PRKN: variants seen among roughly 807,000 people sequenced by gnomAD.
PRKN encodes the protein E3 ubiquitin-protein ligase parkin.
PRKN carries 56 observed loss-of-function variants against 59.5 expected under a neutral mutation model. The observed-to-expected ratio is 0.94, with a 90% confidence interval of 0.76 to 1.18. The LOEUF (loss-of-function observed/expected upper bound fraction) is 1.18, where lower values mean the gene tolerates loss of function less well. Ranked by LOEUF, PRKN falls within the 50% of genes most tolerant of loss-of-function variation. The pLI, the probability that PRKN is intolerant of heterozygous loss-of-function variation, is 0.00. For synonymous variants in PRKN, 250 were observed against 222.1 expected, an observed-to-expected ratio of 1.13 and a Z score of -1.12; for missense variants, 657 against 596.4, an observed-to-expected ratio of 1.10 and a Z score of -1.06.
Position 161,419,163 on chromosome 6 carries a change from C to A in PRKN, c.1084-32286G>T, listed in dbSNP as rs992343455. Among the ~76,000 whole-genome samples, 4 of 152,182 alleles carry A rather than the reference C, an allele frequency of 2.6e-5. No individual in the cohort carries two copies. Among genetic ancestry groups the A allele is most frequent in the African/African-American group, 7.2e-5 (3 of 41,440 alleles). ...CAATGAAAATGGTGAGAATCCTTTA[C>A]GAGCTAACGTGCTACACAGAGTTTG... On this transcript the variant is annotated intron_variant, in intron 9 of 11. Coordinates refer to ENST00000366898, the MANE Select transcript of PRKN (RefSeq NM_004562.3). The surrounding 1 kb of genome is among the most constrained non-coding windows in gnomAD (Gnocchi z 4.1).
At chr6:162,531,065 A>G (rs978106840) in intron 1 of PRKN, among the ~76,000 whole-genome samples, 1 of 151,092 alleles carries the variant, frequency 6.6e-6, no homozygotes, top group African/African-American at 2.4e-5. Context: ...TCCAAAAAAA[A>G]AAAAAAAAAA....
In PRKN at chr6:162,477,782, G is replaced by C. The variant is rs534601926; in HGVS notation, c.8-34309C>G. On this transcript the variant is annotated intron_variant, in intron 1 of 11. Coordinates refer to ENST00000366898, the MANE Select transcript of PRKN (RefSeq NM_004562.3). ...CTCCTGCATAACTGCATGTTCTCTG[G>C]GATAACCTTTCCCCTACAGCATCTC... Among the ~76,000 whole-genome samples, 265 of 152,186 alleles carry C rather than the reference G, an allele frequency of 1.7e-3. 2 individuals carry two copies. The highest frequency in any genetic ancestry group is 0.015 in the South Asian group (73 of 4,816).
intron 3 of PRKN, among the ~76,000 whole-genome samples, chr6:162,238,954 G>T (rs1179395890): frequency 5.9e-5 from 9 of 152,184 alleles, no homozygotes; most frequent in African/African-American, 2.2e-4. Context: ...TACTTACTAT[G>T]ATACTGGAGA....
chr6:162,556,345 GT>G (rs1562381790), intron 1 of PRKN, among the ~76,000 whole-genome samples: 636 of 50,782 alleles, frequency 0.013, 17 homozygotes, highest in Middle Eastern at 0.033. Flanking sequence ...CTCAGCTGGT[GT>G]GTGTGTGTGT....
rs1013389354 is a variant in PRKN, at chr6:162,014,064, C to G, written c.618+40027G>C. Reference sequence around the variant, plus strand: ...GTCACTGTCCTAACCTGGGCCCTGGCTGGGCACTGCTACCCCCTCGTACCT... The same window carrying G: ...GTCACTGTCCTAACCTGGGCCCTGGGTGGGCACTGCTACCCCCTCGTACCT... On this transcript the variant is annotated intron_variant, in intron 5 of 11. Transcript: ENST00000366898. Among the ~76,000 whole-genome samples, 8 of 152,144 alleles carry G rather than the reference C, an allele frequency of 5.3e-5. No homozygotes were observed. In the East Asian group the frequency reaches 1.5e-3, roughly 29 times the overall value.
At chr6:162,712,013 TC>T (rs980128423) in intron 1 of PRKN, among the ~76,000 whole-genome samples, 15 of 152,190 alleles carry the variant, frequency 9.9e-5, no homozygotes, top group African/African-American at 3.6e-4. Flanking sequence ...GTTGGCTTCA[TC>T]CTGCTGCTTA....
At chr6:162,571,185 C>T (rs1366989110) in intron 1 of PRKN, 1 of 156,962 alleles carries the variant, frequency 6.4e-6, no homozygotes, top group South Asian at 1.7e-4. Flanking sequence ...ATTAGATGGG[C>T]GTGGTGGTGG....
chr6:161,621,262 A>T (rs1237373608), intron 7 of PRKN, among the ~76,000 whole-genome samples: 1 of 152,108 alleles, frequency 6.6e-6, no homozygotes, highest in Admixed American at 6.5e-5. Context: ...GTGATGATGG[A>T]GGTTGACAAG....
chr6:161,729,369 T>TA (rs1787579210), intron 7 of PRKN, among the ~76,000 whole-genome samples: 1 of 152,158 alleles, frequency 6.6e-6, no homozygotes, highest in African/African-American at 2.4e-5. Context: ...TCTTAAAAAT[T>TA]AAAAATGACA....
chr6:162,014,889 C>G (rs1562461512), intron 5 of PRKN, among the ~76,000 whole-genome samples: 1 of 151,986 alleles, frequency 6.6e-6, no homozygotes, highest in African/African-American at 2.4e-5. Flanking sequence ...TTTTTCCCAG[C>G]TGCATAGTAC....
intron 7 of PRKN, among the ~76,000 whole-genome samples, chr6:161,714,414 T>C (rs946992004): frequency 6.6e-6 from 1 of 152,334 alleles, no homozygotes; most frequent in African/African-American, 2.4e-5. Flanking sequence ...CATTAGGCTC[T>C]CTTGCCTTTT....
Position 162,409,503 on chromosome 6 carries a change from T to C in PRKN, c.171+33807A>G, listed in dbSNP as rs73604209. 4.1e-3 allele frequency among the ~76,000 whole-genome samples: 627 copies of C among 152,234 alleles called. 7 individuals carry two copies. Among genetic ancestry groups the C allele is most frequent in the African/African-American group, 0.014 (600 of 41,548 alleles). ...CACCCCACCCTCACCCCATGCACTT[T>C]TGCATGATTATCAATATGGGTTGAA... On this transcript the variant is annotated intron_variant, in intron 2 of 11. Transcript: ENST00000366898.
At chr6:162,724,007 C>T (rs1457918690) in intron 1 of PRKN, among the ~76,000 whole-genome samples, 1 of 152,130 alleles carries the variant, frequency 6.6e-6, no homozygotes, top group Non-Finnish European at 1.5e-5. Context: ...TATTTCAATA[C>T]TGACAACATT....
At chr6:162,106,359 ACT>A (rs970578669) in intron 4 of PRKN, among the ~76,000 whole-genome samples, 1 of 151,888 alleles carries the variant, frequency 6.6e-6, no homozygotes, top group Non-Finnish European at 1.5e-5. Flanking sequence ...CAAGTGGCTA[ACT>A]CTGGGGAACA....
intron 1 of PRKN, among the ~76,000 whole-genome samples, chr6:162,642,693 T>G (rs1285023210): frequency 6.6e-6 from 1 of 151,798 alleles, no homozygotes; most frequent in Non-Finnish European, 1.5e-5. Flanking sequence ...ATATAGTATA[T>G]TATACTTAAA....
chr6:161,712,659 C>T (rs1013386860), intron 7 of PRKN, among the ~76,000 whole-genome samples: 2 of 152,102 alleles, frequency 1.3e-5, no homozygotes, highest in Admixed American at 1.3e-4. Context: ...TAAGAAACAA[C>T]ACAGATGAAC....
intron 6 of PRKN, among the ~76,000 whole-genome samples, chr6:161,837,227 G>A (rs906426270): frequency 2.0e-5 from 3 of 152,068 alleles, no homozygotes; most frequent in Non-Finnish European, 4.4e-5. Context: ...GGTGGAAAAT[G>A]GTGTTGTCTG....
intron 1 of PRKN, among the ~76,000 whole-genome samples, chr6:162,445,494 C>G (rs1349819281): frequency 6.6e-6 from 1 of 151,910 alleles, no homozygotes; most frequent in Non-Finnish European, 1.5e-5. Context: ...CAAGACCAGC[C>G]TGGGCAACAA....
chr6:161,655,002 C>G (rs11966168), intron 7 of PRKN, among the ~76,000 whole-genome samples: 38,636 of 152,106 alleles, frequency 0.25, 5,302 homozygotes, highest in Non-Finnish European at 0.32. Context: ...AGGACAGCTG[C>G]AGTCAGAGCC....
Sources: gnomAD v4.1 joint callset for allele counts (sites outside exome capture counted in the v4.1 genomes callset) on GRCh38, gnomAD v4.1.1 for gene constraint, Gnocchi (gnomAD v3.1) non-coding constraint, MANE v1.5 for transcripts, NCBI Gene and HGNC (gene_info 2026-07-23, HGNC 2026-07-21) for gene names.